Variants in RECQL5 observed in about 807,000 individuals in gnomAD.
The protein encoded by RECQL5 is ATP-dependent DNA helicase Q5.
A neutral mutation model predicts 103.4 loss-of-function variants in RECQL5; 88 were observed. That is an observed-to-expected ratio of 0.85 (90% CI 0.72 to 1.02). The LOEUF is 1.02. Ranked by LOEUF, RECQL5 falls within the 50% of genes least tolerant of loss-of-function variation. The pLI is 0.00. For missense variants in RECQL5, 1,232 were observed against 1,284.3 expected (o/e 0.96, Z 0.62); for synonymous variants, 552 against 507.9 (o/e 1.09, Z -1.17).
chr17:75,638,081 G>A (rs916769981), intron 8 of RECQL5: 1 of 152,176 alleles, frequency 6.6e-6, no homozygotes, highest in African/African-American at 2.4e-5. Flanking sequence ...CAGGTGAGGT[G>A]TGAGAAGCTG....
Position 75,629,035 on chromosome 17 carries a change from T to C in RECQL5, c.2388A>G (p.Gly796=). 6.3e-7 allele frequency: 1 copy of C among 1,589,280 alleles called. No individual in the cohort carries two copies. Among genetic ancestry groups the C allele is most frequent in the Non-Finnish European group, 8.6e-7 (1 of 1,168,572 alleles). ...TGTACTTCTCTGGGGCCATCGGGGG[T>C]CCCTGAACCCCCTCACAGGAGGGGC... ...GACPSCEGVQ[G]PPMAPEKYTG... Residue 796 remains glycine (G), a synonymous_variant, in exon 16 of 20, where the codon GGA becomes GGG. Coordinates refer to ENST00000317905, the MANE Select transcript of RECQL5 (RefSeq NM_004259.7).
chr17:75,628,801 T>C, intron 16 of RECQL5, 39 bp from the exon 17 acceptor site: 1 of 1,604,902 alleles, frequency 6.2e-7, no homozygotes, highest in Non-Finnish European at 8.5e-7. Context: ...CACTGGGTCC[T>C]GGTGGCTCCC....
At chr17:75,645,485 T>C (rs1179084075) in intron 8 of RECQL5, among the ~76,000 whole-genome samples, 1 of 152,228 alleles carries the variant, frequency 6.6e-6, no homozygotes, top group Non-Finnish European at 1.5e-5. Flanking sequence ...CTTCATTGGT[T>C]CCCGGGATGT....
rs914073794 is a variant in RECQL5 at position 75,644,753 on chromosome 17, C to T, written c.1229+6433G>A. On this transcript the variant is annotated intron_variant, in intron 8 of 19. Coordinates refer to ENST00000317905, the MANE Select transcript of RECQL5 (RefSeq NM_004259.7). The stretch of plus-strand genomic sequence containing the variant: ...CTGAGGCAGGAGAATCGCCTGAACC[C>T]GGGAGACAGAGGTTGCAGTGAGCCA... 6.7e-5 allele frequency among the ~76,000 whole-genome samples: 10 copies of T among 149,704 alleles called. No homozygotes were observed. The East Asian group carries it at 1.6e-3, about 24-fold the overall frequency.
At chr17:75,628,804 T>A in intron 16 of RECQL5, 42 bp from the exon 17 acceptor site, 1 of 1,604,650 alleles carries the variant, frequency 6.2e-7, no homozygotes, top group Non-Finnish European at 8.5e-7. Context: ...TGGGTCCTGG[T>A]GGCTCCCTCA....
intron 7 of RECQL5, 137 bp from the exon 8 acceptor site, chr17:75,651,402 A>T: frequency 1.0e-6 from 1 of 962,712 alleles, no homozygotes; most frequent in Non-Finnish European, 1.6e-6. Flanking sequence ...CAGGAGGATC[A>T]TTTGAGGTCA....
chr17:75,666,376 C>A, intron 2 of RECQL5, 52 bp downstream of exon 2: 2 of 1,600,738 alleles, frequency 1.2e-6, no homozygotes, highest in Non-Finnish European at 1.7e-6. Flanking sequence ...TCTGCCGCAG[C>A]GTTATGGTAT....
Position 75,630,851 on chromosome 17 carries a change from G to GGT in RECQL5, c.1586-15_1586-14insAC. On this transcript the variant is annotated splice_polypyrimidine_tract_variant and intron_variant, in intron 11 of 19. Transcript: ENST00000317905. ...GACAGTTCTCATCTGTGGGGGGGGG[G>GGT]GGTGGTCCTTGGTCCTTTCGCTCCA... The GGT allele has an allele frequency of 1.4e-6, 2 of 1,448,118 alleles. No individual in the cohort carries two copies. Among genetic ancestry groups the GGT allele is most frequent in the Non-Finnish European group, 1.9e-6 (2 of 1,072,786 alleles). 89.7% of individuals were successfully genotyped at this position (1,448,118 alleles called of 1,614,324 possible). A position where few individuals can be genotyped will look rare whatever the true frequency, so the allele number is the denominator to read the frequency against.
intron 14 of RECQL5, among the ~76,000 whole-genome samples, 156 bp downstream of exon 14, chr17:75,630,028 T>C (rs1365445906): frequency 2.7e-5 from 4 of 150,140 alleles, no homozygotes; most frequent in Non-Finnish European, 5.9e-5. Context: ...GTCCAGCCAG[T>C]GGAGAATGGA....
chr17:75,650,529 A>C, intron 8 of RECQL5: 3 of 1,465,882 alleles, frequency 2.0e-6, no homozygotes, highest in Admixed American at 2.3e-5. Flanking sequence ...CTAAGTCTGA[A>C]GCAATCACGT....
rs2059122161 is a variant in RECQL5 at position 75,627,677 on chromosome 17, A to G, written c.2821T>C (p.Phe941Leu). ...AGCAAGTGTGAGAGGTGGCGGGCAA[A>G]GCCTTTAAACAACTCCTGGAAGGGA... ...KFASKELFKGFARHLSHLLTQ... is the reference protein window; with the variant it reads ...KFASKELFKGLARHLSHLLTQ... Residue 941 changes from phenylalanine to leucine, a missense_variant, in exon 19 of 20, where the codon TTT becomes CTT. By Grantham distance (22) the Phe-to-Leu change is conservative. Transcript: ENST00000317905. The G allele has an allele frequency of 2.5e-6, 4 of 1,608,686 alleles. No homozygotes were observed. The East Asian group carries it at 8.9e-5, about 36-fold the overall frequency.
Position 75,630,821 on chromosome 17 carries a change from C to A in RECQL5, c.1602G>T (p.Leu534=). ...EFVPPDENCP[L]KEASSRRIPR... ...GGATCCTCCTGCTAGAAGCCTCTTTCAGGGGACAGTTCTCATCTGTGGGGG... is the reference window on the plus strand; with the variant it reads ...GGATCCTCCTGCTAGAAGCCTCTTTAAGGGGACAGTTCTCATCTGTGGGGG... Residue 534 remains leucine, a synonymous_variant, in exon 12 of 20, where the codon CTG becomes CTT. Coordinates refer to ENST00000317905, the MANE Select transcript of RECQL5 (RefSeq NM_004259.7). The A allele has an allele frequency of 6.9e-7, 1 of 1,443,376 alleles. No homozygotes were observed. The highest frequency in any genetic ancestry group is 9.2e-7 in the Non-Finnish European group (1 of 1,085,790). 89.4% of individuals were successfully genotyped at this position (1,443,376 alleles called of 1,614,324 possible).
chr17:75,659,729 A>G (rs2059674193), intron 6 of RECQL5, among the ~76,000 whole-genome samples: 1 of 152,194 alleles, frequency 6.6e-6, no homozygotes, highest in Non-Finnish European at 1.5e-5. Context: ...TTTCGTCCCT[A>G]ACTCAGGGTC....
Position 75,627,264 on chromosome 17 carries a change from G to C in RECQL5, c.*158C>G. The C allele has an allele frequency of 1.4e-6, 1 of 706,048 alleles. No homozygotes were observed. Among genetic ancestry groups the C allele is most frequent in the East Asian group, 2.5e-5 (1 of 39,326 alleles). 43.7% of individuals were successfully genotyped at this position (706,048 alleles called of 1,614,324 possible). ...AGAAAGGTGGGCTGACCTCTGACCT[G>C]GATTCAGGGGGTGTCTGGGGTCATC... On this transcript the variant is annotated 3_prime_UTR_variant, in exon 20 of 20. Coordinates refer to ENST00000317905, the MANE Select transcript of RECQL5 (RefSeq NM_004259.7).
At chr17:75,635,471 T>C (rs1300505366) in intron 8 of RECQL5, among the ~76,000 whole-genome samples, 1 of 152,206 alleles carries the variant, frequency 6.6e-6, no homozygotes, top group Non-Finnish European at 1.5e-5. Flanking sequence ...GAGCGCCTAC[T>C]GTTTCTAACA....
In RECQL5 at chr17:75,628,461, G is replaced by C. The variant is rs775563331; in HGVS notation, c.2581-19C>G. 5 of 1,610,286 alleles carry C rather than the reference G, an allele frequency of 3.1e-6. No individual in the cohort carries two copies. The highest frequency in any genetic ancestry group is 4.2e-6 in the Non-Finnish European group (5 of 1,178,120). On this transcript the variant is annotated intron_variant, in intron 17 of 19. Transcript: ENST00000317905. ...GGTTCTCCTGAGAAGGGCCACAGCA[G>C]AGGGTCACTCCTGAGCTCCCTTCCA...
chr17:75,628,030 G>C (rs1234549427), intron 18 of RECQL5, among the ~76,000 whole-genome samples, 188 bp downstream of exon 18: 2 of 151,304 alleles, frequency 1.3e-5, no homozygotes, highest in African/African-American at 2.4e-5. Flanking sequence ...AAAGAGAGCA[G>C]GACCCTGCCC....
chr17:75,665,229 T>A, intron 2 of RECQL5, 57 bp from the exon 3 acceptor site: 2 of 1,526,456 alleles, frequency 1.3e-6, no homozygotes, highest in Middle Eastern at 3.4e-4. Flanking sequence ...ATTGAAGTTG[T>A]TGAAAATTAA....
At chr17:75,631,341 C>A in intron 9 of RECQL5, 92 bp from the exon 10 acceptor site, 1 of 1,532,660 alleles carries the variant, frequency 6.5e-7, no homozygotes. Flanking sequence ...TGATGTCCTA[C>A]CAGCTCAAGG....
Sources: allele counts gnomAD v4.1 joint callset (sites outside exome capture counted in the v4.1 genomes callset), GRCh38; gene constraint gnomAD v4.1.1; transcripts MANE v1.5; gene names NCBI Gene and HGNC (gene_info 2026-07-23, HGNC 2026-07-21).